Variants in KIAA1217 observed in about 807,000 individuals in gnomAD.
The protein encoded by KIAA1217 is sickle tail protein homolog.
Under a neutral mutation model 163.9 loss-of-function variants are expected in KIAA1217, and 88 were observed. The ratio of observed to expected loss-of-function variants is 0.54; its 90% CI spans 0.45 to 0.64. KIAA1217 has a LOEUF of 0.64. Ranked by LOEUF, KIAA1217 falls within the 30% of genes least tolerant of loss-of-function variation. KIAA1217 has a pLI of 0.00. For synonymous variants in KIAA1217, 903 were observed against 923.1 expected, an observed-to-expected ratio of 0.98 and a Z score of 0.39; for missense variants, 2,372 against 2,475.0, an observed-to-expected ratio of 0.96 and a Z score of 0.88.
rs969516510 is a variant in KIAA1217, at chr10:24,368,459, C to CT, written c.355-12401dup. 8.1e-4 allele frequency among the ~76,000 whole-genome samples: 122 copies of CT among 150,988 alleles called. 1 individual carries two copies. Among genetic ancestry groups the CT allele is most frequent in the African/African-American group, 2.2e-3 (89 of 41,148 alleles). On this transcript the variant is annotated intron_variant, in intron 2 of 20. Transcript: ENST00000376454. ...TTCAGTACTGACTTTCCTTTTCTTTCTTTTTTTTTCCATATCAGCAAATAA... is the reference window on the plus strand; with the variant it reads ...TTCAGTACTGACTTTCCTTTTCTTTCTTTTTTTTTTCCATATCAGCAAATAA...
chr10:23,898,182 C>T (rs1056675073), intron 1 of KIAA1217, among the ~76,000 whole-genome samples: 9 of 151,884 alleles, frequency 5.9e-5, no homozygotes, highest in African/African-American at 9.7e-5. Flanking sequence ...TTATTGTGAA[C>T]GGAGTGACTT....
intron 2 of KIAA1217, among the ~76,000 whole-genome samples, chr10:24,125,042 G>A (rs1014925051): frequency 6.6e-6 from 1 of 152,136 alleles, no homozygotes; most frequent in Non-Finnish European, 1.5e-5. Flanking sequence ...GGGAGGCTGA[G>A]GCAGGCGGAT....
intron 2 of KIAA1217, among the ~76,000 whole-genome samples, chr10:24,062,352 T>C (rs2060759940): frequency 7.2e-6 from 1 of 139,468 alleles, no homozygotes; most frequent in African/African-American, 2.6e-5. Context: ...TGTGTTCTCA[T>C]TGTTCAACTC....
At chr10:24,493,950 G>A (rs757350426) in intron 6 of KIAA1217, among the ~76,000 whole-genome samples, 72 of 152,194 alleles carry the variant, frequency 4.7e-4, no homozygotes, top group Admixed American at 1.6e-3. Context: ...GTGAGCCACC[G>A]CGCCCGGCCG....
chr10:23,928,623 G>T (rs904500920), intron 1 of KIAA1217, among the ~76,000 whole-genome samples: 1 of 152,068 alleles, frequency 6.6e-6, no homozygotes, highest in Non-Finnish European at 1.5e-5. Flanking sequence ...GATGGAAAAC[G>T]GTCAATGAGC....
chr10:24,355,756 T>TC, intron 2 of KIAA1217, among the ~76,000 whole-genome samples: 1 of 101,652 alleles, frequency 9.8e-6, no homozygotes, highest in South Asian at 3.6e-4. Context: ...TTTTTTTTTT[T>TC]TTTTTTTTTT....
At chr10:24,159,395 T>C (rs1456735041) in intron 2 of KIAA1217, among the ~76,000 whole-genome samples, 1 of 152,180 alleles carries the variant, frequency 6.6e-6, no homozygotes, top group Non-Finnish European at 1.5e-5. Context: ...GGTAGTTTCT[T>C]AAAAACTTAA....
chr10:24,075,933 A>G (rs2061355751), intron 2 of KIAA1217, among the ~76,000 whole-genome samples: 1 of 145,936 alleles, frequency 6.9e-6, no homozygotes, highest in African/African-American at 2.8e-5. Flanking sequence ...CTTATCAATG[A>G]ACCTTAATTT....
At chr10:24,175,046 G>A (rs2065808309) in intron 2 of KIAA1217, among the ~76,000 whole-genome samples, 1 of 151,404 alleles carries the variant, frequency 6.6e-6, no homozygotes, top group African/African-American at 2.4e-5. Flanking sequence ...ATTTTCAGTA[G>A]AGACAGGGTC....
At chr10:23,790,014 TATACACATATGC>T (rs1835683188) in intron 1 of KIAA1217, among the ~76,000 whole-genome samples, 1 of 128,150 alleles carries the variant, frequency 7.8e-6, no homozygotes, top group Non-Finnish European at 1.6e-5. Context: ...CACATACACA[TATACACATATGC>T]ATATACACAT....
intron 5 of KIAA1217, among the ~76,000 whole-genome samples, chr10:24,472,739 A>G (rs2063660936): frequency 1.3e-5 from 2 of 152,172 alleles, no homozygotes; most frequent in African/African-American, 2.4e-5. Context: ...TAAACACCAT[A>G]GGTGTATCAT....
chr10:23,854,843 C>CT (rs1229890612), intron 1 of KIAA1217, among the ~76,000 whole-genome samples: 2 of 151,906 alleles, frequency 1.3e-5, no homozygotes, highest in Admixed American at 6.6e-5. Flanking sequence ...CAACCCCTGC[C>CT]TTTTTTTGTT....
rs977536091 is a variant in KIAA1217 at position 23,864,026 on chromosome 10, C to T, written c.-320-143199C>T. ...GTGCCTGCATACAGTATATTAAATG[C>T]TTTCCATACATGATTATTGAGTACT... On this transcript the variant is annotated intron_variant, in intron 1 of 18. Coordinates refer to the KIAA1217 transcript ENST00000376462. Among the ~76,000 whole-genome samples the T allele has an allele frequency of 1.1e-4, 16 of 152,012 alleles. 1 individual carries two copies. The highest frequency in any genetic ancestry group is 1.7e-4 in the African/African-American group (7 of 41,410).
At chr10:24,327,465 T>C (rs898821855) in intron 2 of KIAA1217, among the ~76,000 whole-genome samples, 1 of 152,182 alleles carries the variant, frequency 6.6e-6, no homozygotes, top group African/African-American at 2.4e-5. Flanking sequence ...TTAATGTCTC[T>C]TCAATACTCT....
intron 1 of KIAA1217, among the ~76,000 whole-genome samples, chr10:23,908,808 A>G (rs1323471597): frequency 2.0e-5 from 3 of 152,184 alleles, no homozygotes; most frequent in African/African-American, 7.2e-5. Context: ...TAAAACCACT[A>G]TGGAAAACAG....
At chr10:24,531,549 G>A (rs940759904) in intron 14 of KIAA1217, among the ~76,000 whole-genome samples, 11 of 152,134 alleles carry the variant, frequency 7.2e-5, no homozygotes, top group Middle Eastern at 3.4e-3. Context: ...CAAGCTCAGC[G>A]TATAAGTCAT....
chr10:24,463,215 C>T (rs377501035), intron 5 of KIAA1217, among the ~76,000 whole-genome samples: 2 of 152,126 alleles, frequency 1.3e-5, no homozygotes, highest in Non-Finnish European at 2.9e-5. Context: ...GGCTTGGAAG[C>T]GAAATGATTT....
chr10:24,391,656 G>GT (rs1206973815), intron 3 of KIAA1217, among the ~76,000 whole-genome samples: 1 of 152,098 alleles, frequency 6.6e-6, no homozygotes, highest in Admixed American at 6.5e-5. Flanking sequence ...AGGTTCTCCT[G>GT]TTTCTCTTTC....
intron 10 of KIAA1217, 66 bp downstream of exon 10, chr10:24,513,500 G>A: frequency 6.6e-7 from 1 of 1,517,718 alleles, no homozygotes; most frequent in Non-Finnish European, 9.0e-7. Context: ...TTACTAAGAA[G>A]GAGGTCCTTC....
Sources: gnomAD v4.1 joint callset for allele counts (sites outside exome capture counted in the v4.1 genomes callset) on GRCh38, gnomAD v4.1.1 for gene constraint, MANE v1.5 for transcripts, NCBI Gene and HGNC (gene_info 2026-07-23, HGNC 2026-07-21) for gene names.